RFX3: variants seen among roughly 807,000 people sequenced by gnomAD.
RFX3 encodes transcription factor RFX3.
A neutral mutation model predicts 98.6 loss-of-function variants in RFX3; 14 were observed. That is an observed-to-expected ratio of 0.14 (90% CI 0.09 to 0.22). RFX3 has a LOEUF of 0.22. RFX3 is among the 10% of genes least tolerant of loss of function. RFX3 has a pLI of 1.00. For synonymous variants in RFX3, 383 were observed against 328.4 expected, an observed-to-expected ratio of 1.17 and a Z score of -1.80; for missense variants, 639 against 926.9, an observed-to-expected ratio of 0.69 and a Z score of 4.03.
intron 1 of RFX3, among the ~76,000 whole-genome samples, chr9:3,473,086 CAG>C (rs752481423): frequency 6.6e-6 from 1 of 152,136 alleles, no homozygotes; most frequent in East Asian, 1.9e-4. Flanking sequence ...TTCAGCATGC[CAG>C]AGTCTGGATC....
chr9:3,453,797 T>C (rs1846897628), intron 1 of RFX3: 3 of 151,888 alleles, frequency 2.0e-5, no homozygotes, highest in South Asian at 2.1e-4. Context: ...TGTTTAATTA[T>C]ACAGAGTGCT....
intron 2 of RFX3, among the ~76,000 whole-genome samples, chr9:3,372,095 C>T (rs1303349804): frequency 6.6e-6 from 1 of 152,208 alleles, no homozygotes; most frequent in Non-Finnish European, 1.5e-5. Context: ...AAGCTTCTCA[C>T]TACAGCAACT....
chr9:3,371,402 G>A lies in RFX3; in HGVS notation c.117+24070C>T, dbSNP rs62526376. ...TACTTAGGATTAAATAAGTGTTTCC[G>A]CTTACGCAGCTCTAAAATATATTAC... On this transcript the variant is annotated intron_variant, in intron 2 of 16. Transcript: ENST00000617270. 8.3e-3 allele frequency among the ~76,000 whole-genome samples: 1,261 copies of A among 152,064 alleles called. 8 individuals carry two copies. The highest frequency in any genetic ancestry group is 0.022 in the South Asian group (105 of 4,810).
intron 4 of RFX3, among the ~76,000 whole-genome samples, chr9:3,303,766 G>A (rs62526369): frequency 3.3e-5 from 5 of 151,972 alleles, no homozygotes; most frequent in African/African-American, 9.6e-5. Context: ...TCTCATTTCT[G>A]GACAGTTTTT....
intron 2 of RFX3, among the ~76,000 whole-genome samples, chr9:3,347,172 T>G (rs1834530407): frequency 6.6e-6 from 1 of 152,030 alleles, no homozygotes; most frequent in Admixed American, 6.6e-5. Flanking sequence ...ATACAAAAAG[T>G]AAGCTGGGTG....
chr9:3,304,579 G>C (rs1426404347), intron 4 of RFX3, among the ~76,000 whole-genome samples: 4 of 151,968 alleles, frequency 2.6e-5, no homozygotes, highest in Admixed American at 2.0e-4. Flanking sequence ...GGAGGTAACT[G>C]AATCATGGGG....
intron 1 of RFX3, among the ~76,000 whole-genome samples, chr9:3,465,673 C>A (rs1356938804): frequency 6.6e-6 from 1 of 151,844 alleles, no homozygotes; most frequent in Non-Finnish European, 1.5e-5. Context: ...AAAATCAAAG[C>A]TATTATTCCT....
At chr9:3,383,043 GTTC>G (rs1839354996) in intron 2 of RFX3, among the ~76,000 whole-genome samples, 1 of 151,994 alleles carries the variant, frequency 6.6e-6, no homozygotes, top group Non-Finnish European at 1.5e-5. Context: ...ATTTTAAAAT[GTTC>G]TTCTTTTAAT....
chr9:3,522,421 A>C (rs1818809213), intron 1 of RFX3, among the ~76,000 whole-genome samples: 1 of 152,226 alleles, frequency 6.6e-6, no homozygotes, highest in Non-Finnish European at 1.5e-5. Context: ...TTCAGCATTA[A>C]AACAAAATAA....
At chr9:3,277,916 T>C (rs1016437656) in intron 7 of RFX3, among the ~76,000 whole-genome samples, 2 of 151,956 alleles carry the variant, frequency 1.3e-5, no homozygotes, top group Non-Finnish European at 2.9e-5. Context: ...AGCCTACAAA[T>C]CCTATCATAT....
At chr9:3,496,725 T>C (rs1851132647) in intron 1 of RFX3, among the ~76,000 whole-genome samples, 1 of 152,032 alleles carries the variant, frequency 6.6e-6, no homozygotes, top group South Asian at 2.1e-4. Flanking sequence ...TAATTAGCTA[T>C]CAAATGACAA....
At chr9:3,484,571 A>C (rs150895635) in intron 1 of RFX3, among the ~76,000 whole-genome samples, 1 of 152,202 alleles carries the variant, frequency 6.6e-6, no homozygotes, top group East Asian at 1.9e-4. Flanking sequence ...CTTTTGATAG[A>C]TGGGAGTTTC....
At chr9:3,516,421 C>G (rs1818176775) in intron 1 of RFX3, among the ~76,000 whole-genome samples, 1 of 152,056 alleles carries the variant, frequency 6.6e-6, no homozygotes, top group Admixed American at 6.6e-5. Context: ...GCTACCAAAG[C>G]TGAATTAAAA....
At chr9:3,302,598 A>T (rs1371705586) in intron 4 of RFX3, among the ~76,000 whole-genome samples, 1 of 151,868 alleles carries the variant, frequency 6.6e-6, no homozygotes, top group East Asian at 1.9e-4. Context: ...CAGTCTGATT[A>T]CATCAACAAT....
chr9:3,376,250 T>A (rs954587177), intron 2 of RFX3, among the ~76,000 whole-genome samples: 1 of 152,182 alleles, frequency 6.6e-6, no homozygotes, highest in Non-Finnish European at 1.5e-5. Context: ...TATAAAATAG[T>A]ATAACCAGTT....
At chr9:3,462,265 G>A (rs1847765754) in intron 1 of RFX3, among the ~76,000 whole-genome samples, 1 of 152,032 alleles carries the variant, frequency 6.6e-6, no homozygotes, top group Non-Finnish European at 1.5e-5. Flanking sequence ...ATTCAAGGTT[G>A]CTTTATCATT....
At chr9:3,459,864 T>C (rs890188168) in intron 1 of RFX3, among the ~76,000 whole-genome samples, 2 of 152,102 alleles carry the variant, frequency 1.3e-5, no homozygotes, top group Non-Finnish European at 2.9e-5. Flanking sequence ...TCTAATACAA[T>C]TTCATTTTGA....
At chr9:3,377,215 C>T (rs1022716310) in intron 2 of RFX3, among the ~76,000 whole-genome samples, 1 of 152,160 alleles carries the variant, frequency 6.6e-6, no homozygotes, top group Non-Finnish European at 1.5e-5. Context: ...CAGTGATAGA[C>T]TGGATTAAGA....
At chr9:3,288,106 C>T (rs1826879093) in intron 7 of RFX3, 25 bp downstream of exon 7, 5 of 1,611,180 alleles carry the variant, frequency 3.1e-6, no homozygotes, top group Non-Finnish European at 4.2e-6. Flanking sequence ...AGCTTGGACA[C>T]ATCAATGATA....
Sources: gnomAD v4.1 joint callset for allele counts (sites outside exome capture counted in the v4.1 genomes callset) on GRCh38, gnomAD v4.1.1 for gene constraint, MANE v1.5 for transcripts, NCBI Gene and HGNC (gene_info 2026-07-23, HGNC 2026-07-21) for gene names.